Variants in TRPM8 observed in about 807,000 individuals in gnomAD.
The protein encoded by TRPM8 is transient receptor potential cation channel subfamily M member 8.
In TRPM8, 110 loss-of-function variants were observed where a neutral mutation model predicts 133.7. That is an observed-to-expected ratio of 0.82 (90% CI 0.70 to 0.96). TRPM8 has a LOEUF of 0.96. TRPM8 is among the 40% of genes least tolerant of loss of function. The pLI, the probability that TRPM8 is intolerant of heterozygous loss-of-function variation, is 0.00. For synonymous variants in TRPM8, 535 were observed against 532.3 expected (o/e 1.01, Z -0.07); for missense variants, 1,291 against 1,379.5 (o/e 0.94, Z 1.02).
chr2:234,016,790 G>A (rs1252203128), intron 25 of TRPM8, among the ~76,000 whole-genome samples: 1 of 152,070 alleles, frequency 6.6e-6, no homozygotes, highest in Non-Finnish European at 1.5e-5. Context: ...TGAAGACTAT[G>A]GGAATAGACC....
At chr2:233,968,785 C>T (rs1230729174) in intron 15 of TRPM8, among the ~76,000 whole-genome samples, 2 of 152,092 alleles carry the variant, frequency 1.3e-5, no homozygotes, top group African/African-American at 4.8e-5. Context: ...CCCCTGCTAA[C>T]TCTCAGAGCT....
chr2:233,983,526 G>A (rs1692067543), intron 20 of TRPM8, among the ~76,000 whole-genome samples: 1 of 152,164 alleles, frequency 6.6e-6, no homozygotes, highest in South Asian at 2.1e-4. Context: ...TAGAAACCAG[G>A]GTTGTGAGTT....
At chr2:233,943,382 G>A (rs1000119073) in intron 6 of TRPM8, among the ~76,000 whole-genome samples, 1 of 152,018 alleles carries the variant, frequency 6.6e-6, no homozygotes, top group African/African-American at 2.4e-5. Context: ...GGAATACTAT[G>A]CAGCCACAAA....
intron 17 of TRPM8, among the ~76,000 whole-genome samples, chr2:233,972,371 C>T (rs1691747654): frequency 1.3e-5 from 2 of 152,256 alleles, no homozygotes; most frequent in African/African-American, 2.4e-5. Context: ...AGTTTCTCCA[C>T]GTCCCCACCA....
intron 2 of TRPM8, 21 bp downstream of exon 2, chr2:233,926,675 G>C: frequency 6.4e-7 from 1 of 1,570,226 alleles, no homozygotes; most frequent in South Asian, 1.1e-5. Context: ...CGCATCACCT[G>C]TTTGAAAGGT....
At chr2:233,922,510 A>T (rs1443511893) in intron 1 of TRPM8, among the ~76,000 whole-genome samples, 1 of 152,038 alleles carries the variant, frequency 6.6e-6, no homozygotes, top group East Asian at 1.9e-4. Context: ...CTCTTTCTGC[A>T]TTGAGATAAA....
chr2:233,926,448 G>A (rs570659477), intron 1 of TRPM8, 85 bp from the exon 2 acceptor site: 5 of 1,011,122 alleles, frequency 4.9e-6, no homozygotes, highest in African/African-American at 1.6e-5. Context: ...AGAGGGTGGA[G>A]GGAAAACGGC....
chr2:234,004,411 T>G (rs1692641969), intron 22 of TRPM8, among the ~76,000 whole-genome samples: 14 of 152,226 alleles, frequency 9.2e-5, no homozygotes, highest in Admixed American at 9.2e-4. Context: ...GACTAATGCC[T>G]GAAACCGCAG....
intron 4 of TRPM8, 135 bp downstream of exon 4, chr2:233,937,644 A>G: frequency 9.3e-7 from 1 of 1,072,388 alleles, no homozygotes; most frequent in Non-Finnish European, 1.3e-6. Context: ...ATTGCAGAAA[A>G]AGATACATCT....
chr2:233,981,801 G>C lies in TRPM8; in HGVS notation c.2475G>C (p.Leu825Phe), dbSNP rs1225841707. 1 of 1,612,326 alleles carries C rather than the reference G, an allele frequency of 6.2e-7. No homozygotes were observed. The highest frequency in any genetic ancestry group is 8.5e-7 in the Non-Finnish European group (1 of 1,179,438). Reference sequence around the variant, plus strand: ...TCCACTCTTCTAATAAAAGCTCTTTGTATTCTGGACGAGTCATTTTCTGTC... The same window carrying C: ...TCCACTCTTCTAATAAAAGCTCTTTCTATTCTGGACGAGTCATTTTCTGTC... ...FRLHSSNKSS[L>F]YSGRVIFCLD... Residue 825 changes from leucine (L) to phenylalanine (F), a missense_variant, in exon 19 of 26, where the codon TTG (leucine) becomes TTC (phenylalanine). By Grantham distance (22) the Leu-to-Phe change is conservative. Transcript: ENST00000324695.
Position 233,983,152 on chromosome 2 carries a change from A to T in TRPM8, c.2689A>T (p.Arg897Trp), listed in dbSNP as rs1046936586. The T allele has an allele frequency of 6.2e-7, 1 of 1,614,120 alleles. No homozygotes were observed. The highest frequency in any genetic ancestry group is 1.7e-5 in the Admixed American group (1 of 60,016). ...GILRQNEQRW[R>W]WIFRSVIYEP... ...CCTTAGGCAGAATGAGCAGCGCTGG[A>T]GGTGGATATTCCGTTCGGTCATCTA... Residue 897 changes from arginine (R) to tryptophan (W), a missense_variant, in exon 20 of 26, where the codon AGG (arginine) becomes TGG (tryptophan). This residue lies in a region of TRPM8 where 328 missense variants were observed against 410.6 expected (regional missense o/e 0.80). Coordinates refer to ENST00000324695, the MANE Select transcript of TRPM8 (RefSeq NM_024080.5).
chr2:234,002,992 A>G (rs1269124521), intron 22 of TRPM8, among the ~76,000 whole-genome samples: 1 of 152,242 alleles, frequency 6.6e-6, no homozygotes, highest in Admixed American at 6.5e-5. Context: ...AGATTCAGAA[A>G]GTAAAAATAT....
intron 17 of TRPM8, among the ~76,000 whole-genome samples, chr2:233,972,425 C>G (rs536729439): frequency 3.3e-5 from 5 of 152,260 alleles, no homozygotes; most frequent in Non-Finnish European, 5.9e-5. Flanking sequence ...TCCCGCACCG[C>G]GGCTGCAGGT....
At chr2:233,986,189 G>A (rs1692145215) in intron 21 of TRPM8, among the ~76,000 whole-genome samples, 1 of 152,216 alleles carries the variant, frequency 6.6e-6, no homozygotes, top group Admixed American at 6.5e-5. Context: ...TGACGGAAAT[G>A]TAGTTTAACT....
chr2:233,926,810 G>A (rs1691526998), intron 2 of TRPM8, among the ~76,000 whole-genome samples, 156 bp downstream of exon 2: 2 of 152,146 alleles, frequency 1.3e-5, no homozygotes, highest in South Asian at 4.1e-4. Flanking sequence ...TTTCCGGTCT[G>A]AGCCTTGAAT....
chr2:233,961,534 C>T (rs1241969520), intron 12 of TRPM8, among the ~76,000 whole-genome samples: 1 of 147,874 alleles, frequency 6.8e-6, no homozygotes, highest in Admixed American at 6.8e-5. Flanking sequence ...TCAAACTCCT[C>T]TCCGCGTGAT....
intron 3 of TRPM8, 81 bp downstream of exon 3, chr2:233,930,822 C>T: frequency 1.2e-6 from 1 of 852,862 alleles, no homozygotes; most frequent in Non-Finnish European, 1.9e-6. Context: ...CAAATGCTCC[C>T]TAGTTCATTA....
intron 5 of TRPM8, among the ~76,000 whole-genome samples, chr2:233,940,268 C>T (rs930594042): frequency 3.4e-5 from 5 of 148,716 alleles, no homozygotes; most frequent in Admixed American, 2.0e-4. Flanking sequence ...GGAAACGTGT[C>T]GTAATCTAGA....
rs549455403 is a variant in TRPM8, at chr2:233,947,807, A to G, written c.942+652A>G. On this transcript the variant is annotated intron_variant, in intron 8 of 25. Coordinates refer to ENST00000324695, the MANE Select transcript of TRPM8 (RefSeq NM_024080.5). ...TTGAATCAAAACCTTTTATTTATTT[A>G]TTTGTTTTTAACTTTTAGGGTCAGG... Among the ~76,000 whole-genome samples, 13 of 152,092 alleles carry G rather than the reference A, an allele frequency of 8.5e-5. No individual in the cohort carries two copies. In the East Asian group the frequency reaches 2.5e-3, roughly 29 times the overall value.
Sources: gnomAD v4.1 joint callset for allele counts (sites outside exome capture counted in the v4.1 genomes callset) on GRCh38, gnomAD v4.1.1 for gene constraint, gnomAD v4.1.1 regional missense constraint, MANE v1.5 for transcripts, NCBI Gene and HGNC (gene_info 2026-07-23, HGNC 2026-07-21) for gene names.